ARHGAP24: variants seen among roughly 807,000 people sequenced by gnomAD.
The protein encoded by ARHGAP24 is Rho GTPase activating protein 24.
Under a neutral mutation model 76.4 loss-of-function variants are expected in ARHGAP24, and 50 were observed. The observed-to-expected ratio is 0.65, with a 90% confidence interval of 0.52 to 0.83. The LOEUF is 0.83. Among genes scored for constraint, ARHGAP24 ranks in the 40% least tolerant of loss-of-function variants. ARHGAP24 has a pLI of 0.00. For missense variants in ARHGAP24, 930 were observed against 914.2 expected (o/e 1.02, Z -0.22); for synonymous variants, 345 against 323.3 (o/e 1.07, Z -0.72).
intron 3 of ARHGAP24, among the ~76,000 whole-genome samples, chr4:85,801,000 T>C (rs887156556): frequency 2.6e-5 from 4 of 152,202 alleles, no homozygotes; most frequent in African/African-American, 9.6e-5. Flanking sequence ...TTTAGTTAAA[T>C]ACATAAAAAC....
chr4:85,913,877 T>C (rs1246446007), intron 3 of ARHGAP24, among the ~76,000 whole-genome samples: 8 of 152,188 alleles, frequency 5.3e-5, no homozygotes, highest in Admixed American at 5.2e-4. Flanking sequence ...TTAAAATGGA[T>C]TTGAACATTT....
At chr4:85,751,740 A>G (rs1472604772) in intron 3 of ARHGAP24, among the ~76,000 whole-genome samples, 7 of 152,152 alleles carry the variant, frequency 4.6e-5, no homozygotes, top group South Asian at 2.1e-4. Flanking sequence ...TGCCTTCCCA[A>G]TCCCTCAAGT....
intron 2 of ARHGAP24, among the ~76,000 whole-genome samples, chr4:85,717,244 T>G (rs7656548): frequency 0.034 from 5,189 of 152,172 alleles, 268 homozygotes; most frequent in African/African-American, 0.12. Flanking sequence ...TTACTCTTCC[T>G]TCTTTGTTTC....
intron 1 of ARHGAP24, among the ~76,000 whole-genome samples, chr4:85,540,746 T>C (rs909356668): frequency 2.0e-5 from 3 of 152,214 alleles, no homozygotes; most frequent in Non-Finnish European, 4.4e-5. Context: ...TAGTTTTGCC[T>C]ATTTCAGAAT....
At chr4:85,727,092 C>T (rs1335847206) in intron 3 of ARHGAP24, among the ~76,000 whole-genome samples, 7 of 151,858 alleles carry the variant, frequency 4.6e-5, no homozygotes, top group African/African-American at 1.7e-4. Context: ...TGTTGGTGGG[C>T]GCCTATAATC....
intron 5 of ARHGAP24, among the ~76,000 whole-genome samples, chr4:85,946,722 A>G (rs537032174): frequency 6.6e-6 from 1 of 152,152 alleles, no homozygotes; most frequent in Non-Finnish European, 1.5e-5. Flanking sequence ...TGCTTTACCC[A>G]GTCCACCATC....
intron 1 of ARHGAP24, among the ~76,000 whole-genome samples, chr4:85,517,650 A>G (rs1416697835): frequency 6.6e-6 from 1 of 152,090 alleles, no homozygotes; most frequent in Non-Finnish European, 1.5e-5. Flanking sequence ...TTATATGAAC[A>G]TGCGTATAAA....
At chr4:85,863,016 G>T (rs1731988669) in intron 3 of ARHGAP24, among the ~76,000 whole-genome samples, 1 of 152,044 alleles carries the variant, frequency 6.6e-6, no homozygotes, top group Non-Finnish European at 1.5e-5. Context: ...ATCAGATCCG[G>T]TTCCTCCCCT....
At chr4:85,844,804 G>A (rs1730785682) in intron 3 of ARHGAP24, among the ~76,000 whole-genome samples, 1 of 152,110 alleles carries the variant, frequency 6.6e-6, no homozygotes, top group South Asian at 2.1e-4. Context: ...AGTTCATTTT[G>A]TTGTCCAATT....
chr4:85,701,683 CT>C (rs995308313), intron 2 of ARHGAP24, among the ~76,000 whole-genome samples: 1 of 151,646 alleles, frequency 6.6e-6, no homozygotes, highest in Non-Finnish European at 1.5e-5. Context: ...GAATTTTTTT[CT>C]TTTTACAATT....
chr4:85,547,886 G>C (rs1725980326), intron 1 of ARHGAP24, among the ~76,000 whole-genome samples: 1 of 152,210 alleles, frequency 6.6e-6, no homozygotes, highest in Middle Eastern at 3.4e-3. Flanking sequence ...ACTAGTTTTT[G>C]CATCCATTGT....
At chr4:85,790,880 CT>C (rs1728087573) in intron 3 of ARHGAP24, among the ~76,000 whole-genome samples, 2 of 152,176 alleles carry the variant, frequency 1.3e-5, no homozygotes, top group South Asian at 4.1e-4. Context: ...TAGTCATAGC[CT>C]TTTGTTTTCA....
At chr4:85,761,032 C>T (rs1726713682) in intron 3 of ARHGAP24, among the ~76,000 whole-genome samples, 1 of 152,140 alleles carries the variant, frequency 6.6e-6, no homozygotes, top group Non-Finnish European at 1.5e-5. Context: ...GAGACCTCTG[C>T]AGCCATTGTA....
chr4:85,582,927 C>T (rs1727677978), intron 2 of ARHGAP24, among the ~76,000 whole-genome samples: 1 of 152,102 alleles, frequency 6.6e-6, no homozygotes, highest in African/African-American at 2.4e-5. Context: ...TGGTCGGAAA[C>T]TGCACTTTTG....
chr4:85,610,715 T>A, intron 2 of ARHGAP24, among the ~76,000 whole-genome samples: 1 of 152,142 alleles, frequency 6.6e-6, no homozygotes, highest in East Asian at 1.9e-4. Flanking sequence ...TCAAAAGTCT[T>A]GTGTTTGCTA....
intron 1 of ARHGAP24, among the ~76,000 whole-genome samples, chr4:85,551,977 A>C (rs192904558): frequency 1.3e-5 from 2 of 152,084 alleles, no homozygotes; most frequent in African/African-American, 4.8e-5. Flanking sequence ...TCATGGATTC[A>C]TTGATCTTTA....
At chr4:85,733,001 A>G (rs343854) in intron 3 of ARHGAP24, among the ~76,000 whole-genome samples, 66,035 of 141,058 alleles carry the variant, frequency 0.47, 17,948 homozygotes, top group Non-Finnish European at 0.63. Context: ...CCCGACCTCA[A>G]ACTTCTATAT....
chr4:85,844,914 G>A (rs1730794707), intron 3 of ARHGAP24, among the ~76,000 whole-genome samples: 2 of 152,188 alleles, frequency 1.3e-5, no homozygotes, highest in Admixed American at 6.5e-5. Context: ...CATTGGAATA[G>A]GGTTGGAACC....
intron 2 of ARHGAP24, among the ~76,000 whole-genome samples, chr4:85,678,414 G>A (rs1160052345): frequency 6.6e-6 from 1 of 152,118 alleles, no homozygotes; most frequent in Admixed American, 6.6e-5. Flanking sequence ...TTGAAAAGTA[G>A]TATCAAAGTT....
Sources: gnomAD v4.1 joint callset for allele counts (sites outside exome capture counted in the v4.1 genomes callset) on GRCh38, gnomAD v4.1.1 for gene constraint, MANE v1.5 for transcripts, NCBI Gene and HGNC (gene_info 2026-07-23, HGNC 2026-07-21) for gene names.